The following NFX1 variants were observed in gnomAD, a reference collection of about 807,000 sequenced individuals.
The protein encoded by NFX1 is transcriptional repressor NF-X1.
A neutral mutation model predicts 137.2 loss-of-function variants in NFX1; 69 were observed. That is an observed-to-expected ratio of 0.50 (90% CI 0.41 to 0.61). The LOEUF (loss-of-function observed/expected upper bound fraction) is 0.61. Among genes scored for constraint, NFX1 ranks in the 20% least tolerant of loss-of-function variants. NFX1 has a pLI of 0.00. For synonymous variants in NFX1, 495 were observed against 474.1 expected (o/e 1.04, Z -0.57); for missense variants, 1,167 against 1,391.0 (o/e 0.84, Z 2.56).
intron 9 of NFX1, among the ~76,000 whole-genome samples, chr9:33,324,587 TA>T (rs1243979179): frequency 6.6e-6 from 1 of 151,832 alleles, no homozygotes; most frequent in African/African-American, 2.4e-5. Flanking sequence ...GGCTCAATAG[TA>T]GATTTGAGCT....
intron 23 of NFX1, among the ~76,000 whole-genome samples, chr9:33,368,025 G>A (rs932744801): frequency 2.0e-5 from 3 of 152,204 alleles, no homozygotes; most frequent in Non-Finnish European, 2.9e-5. Flanking sequence ...CTTAAGGTCA[G>A]GAGTTCGAGA....
chr9:33,342,910 A>G (rs1823281172), intron 13 of NFX1, 56 bp downstream of exon 13: 26 of 1,135,740 alleles, frequency 2.3e-5, no homozygotes, highest in Non-Finnish European at 3.1e-5. Context: ...TTCAGACATA[A>G]TATACTTTGA....
intron 5 of NFX1, 41 bp downstream of exon 5, chr9:33,307,340 A>G (rs1434997349): frequency 4.5e-6 from 7 of 1,548,600 alleles, no homozygotes; most frequent in East Asian, 2.2e-5. Flanking sequence ...GCTGGTGGAC[A>G]TGCTTTGCTG....
chr9:33,316,939 A>G (rs777228386), intron 7 of NFX1, among the ~76,000 whole-genome samples: 26 of 152,190 alleles, frequency 1.7e-4, no homozygotes, highest in Admixed American at 3.9e-4. Flanking sequence ...TTACCTCTGT[A>G]AAAAGCCTTT....
At chr9:33,361,490 AGGCTG>A (rs1217103670) in intron 19 of NFX1, among the ~76,000 whole-genome samples, 4 of 152,054 alleles carry the variant, frequency 2.6e-5, no homozygotes, top group Non-Finnish European at 5.9e-5. Flanking sequence ...TTATAGAGAA[AGGCTG>A]GGCGCAGTGG....
At chr9:33,353,921 C>CTTGGTT (rs1823728519) in intron 17 of NFX1, among the ~76,000 whole-genome samples, 165 bp from the exon 18 acceptor site, 1 of 152,106 alleles carries the variant, frequency 6.6e-6, no homozygotes, top group Admixed American at 6.6e-5. Flanking sequence ...AACTCCTGAC[C>CTTGGTT]TCAGGTGATC....
In NFX1 at chr9:33,347,080, C is replaced by T; in HGVS notation, c.2387C>T (p.Thr796Ile). 10 of 1,613,646 alleles carry T rather than the reference C, an allele frequency of 6.2e-6. No homozygotes were observed. The highest frequency in any genetic ancestry group is 8.5e-6 in the Non-Finnish European group (10 of 1,179,626). ...AGTGAGGAGAAGTGTCCCCCTTGCA[C>T]TTTCCTAACTCAGAAGTGGTGCATG... ...CHSEEKCPPC[T>I]FLTQKWCMGK... Residue 796 changes from threonine (T) to isoleucine (I), a missense_variant, in exon 15 of 24, where the codon ACT becomes ATT. Thr to Ile is a moderately conservative substitution (Grantham distance 89). Transcript: ENST00000379540.
chr9:33,305,815 G>A (rs1309993080), intron 4 of NFX1, among the ~76,000 whole-genome samples: 2 of 152,176 alleles, frequency 1.3e-5, no homozygotes, highest in African/African-American at 4.8e-5. Flanking sequence ...TGAGCTGGAG[G>A]AGTGAGCAGA....
rs142054340 is a variant in NFX1, at chr9:33,351,731, C to T, written c.2596C>T (p.Pro866Ser). The change falls in exon 16 of 24, where the codon CCG becomes TCG. Residue 866 changes from proline (P) to serine (S), a missense_variant. Pro to Ser is a moderately conservative substitution (Grantham distance 74). Around this residue, in one of 3 missense-constraint regions of NFX1, gnomAD observed 488 missense variants for 691.5 expected, o/e 0.71. Coordinates refer to ENST00000379540, the MANE Select transcript of NFX1 (RefSeq NM_002504.6). ...CACCCCCAGAGCTGACTGTGGTCAC[C>T]CGTGTATGGCACCCTGCCATACCAG... ...CTTPRADCGH[P>S]CMAPCHTSSP... 5.6e-6 allele frequency: 9 copies of T among 1,612,796 alleles called. No homozygotes were observed. In the African/African-American group the frequency reaches 8.0e-5, roughly 14 times the overall value.
chr9:33,367,324 C>T (rs894683283), intron 22 of NFX1, among the ~76,000 whole-genome samples, 191 bp from the exon 23 acceptor site: 4 of 152,130 alleles, frequency 2.6e-5, no homozygotes, highest in Admixed American at 6.6e-5. Flanking sequence ...AAGCAAGCCA[C>T]GGGCCTGGCA....
chr9:33,294,018 A>T (rs1821255099), intron 1 of NFX1, among the ~76,000 whole-genome samples: 1 of 152,244 alleles, frequency 6.6e-6, no homozygotes, highest in Non-Finnish European at 1.5e-5. Flanking sequence ...CTTAGTCCAA[A>T]GCCTGTTTAC....
intron 9 of NFX1, among the ~76,000 whole-genome samples, chr9:33,322,696 ACCCAGAGTAGTG>A (rs1822432197): frequency 6.6e-6 from 1 of 152,182 alleles, no homozygotes; most frequent in Non-Finnish European, 1.5e-5. Flanking sequence ...CCCACCCAGC[ACCCAGAGTAGTG>A]CCTCAGAGAC....
intron 2 of NFX1, among the ~76,000 whole-genome samples, chr9:33,295,946 T>G (rs1438818809): frequency 6.6e-6 from 1 of 152,206 alleles, no homozygotes; most frequent in Non-Finnish European, 1.5e-5. Context: ...ATTTATTTGT[T>G]TTTTTGAGAG....
rs1306017922 is a variant in NFX1 at position 33,335,221 on chromosome 9, CTTTTTCTTTTT to C, written c.2035+2725_2035+2735del. 2.5e-4 allele frequency among the ~76,000 whole-genome samples: 36 copies of C among 143,330 alleles called. No homozygotes were observed. In the South Asian group the frequency reaches 7.6e-3, roughly 30 times the overall value. The allele number at this position is 143,330 out of a possible 152,430, so 94.0% of individuals were successfully genotyped here. A position where few individuals can be genotyped will look rare whatever the true frequency, so the allele number is the denominator to read the frequency against. On this transcript the variant is annotated intron_variant, in intron 11 of 23. Transcript: ENST00000379540. ...TTTTCTTCTTCTCTATTTTATCTTT[CTTTTTCTTTTT>C]TTTTTTTTTTTTTTTGAGACGGAGT...
intron 19 of NFX1, among the ~76,000 whole-genome samples, chr9:33,359,246 C>G (rs190525696): frequency 7.1e-4 from 107 of 150,702 alleles, no homozygotes; most frequent in African/African-American, 2.6e-3. Flanking sequence ...ATTTCTTCTT[C>G]TTACCTCATT....
At chr9:33,308,905 G>A (rs755841040) in intron 5 of NFX1, among the ~76,000 whole-genome samples, 6 of 152,116 alleles carry the variant, frequency 3.9e-5, no homozygotes, top group Non-Finnish European at 8.8e-5. Context: ...AAATGTCAGT[G>A]GGGGTAGAGC....
intron 1 of NFX1, among the ~76,000 whole-genome samples, chr9:33,291,658 C>G (rs980889241): frequency 2.6e-5 from 4 of 152,214 alleles, no homozygotes; most frequent in Non-Finnish European, 4.4e-5. Flanking sequence ...AATCCTAGCA[C>G]TTTGGGAGGC....
chr9:33,367,478 C>G (rs1824201162), intron 22 of NFX1, 37 bp from the exon 23 acceptor site: 1 of 1,603,218 alleles, frequency 6.2e-7, no homozygotes, highest in Non-Finnish European at 8.5e-7. Flanking sequence ...ACAAACAATT[C>G]TCACTTTTCA....
At chr9:33,301,517 T>A in intron 3 of NFX1, 96 bp downstream of exon 3, 13 of 1,343,928 alleles carry the variant, frequency 9.7e-6, no homozygotes, top group Non-Finnish European at 1.0e-5. Flanking sequence ...TAATTTCTCT[T>A]AACTACTTTT....
Sources: allele counts gnomAD v4.1 joint callset (sites outside exome capture counted in the v4.1 genomes callset), GRCh38; gene constraint gnomAD v4.1.1; regional missense constraint gnomAD v4.1.1; transcripts MANE v1.5; gene names NCBI Gene and HGNC (gene_info 2026-07-23, HGNC 2026-07-21).